The following SLC44A5 variants were observed in gnomAD, a reference collection of about 807,000 sequenced individuals.
SLC44A5 encodes choline transporter-like protein 5.
In SLC44A5, 57 loss-of-function variants were observed where a neutral mutation model predicts 101.8. That is an observed-to-expected ratio of 0.56 (90% CI 0.45 to 0.70). The LOEUF is 0.70. Among genes scored for constraint, SLC44A5 ranks in the 30% least tolerant of loss-of-function variants. The pLI is 0.00. For synonymous variants in SLC44A5, 281 were observed against 290.9 expected, an observed-to-expected ratio of 0.97 and a Z score of 0.35; for missense variants, 737 against 853.1, an observed-to-expected ratio of 0.86 and a Z score of 1.70.
rs535743908 is a variant in SLC44A5 at position 75,542,188 on chromosome 1, AC to A, written c.-69-673del. On this transcript the variant is annotated intron_variant, in intron 1 of 23. Transcript: ENST00000370859. ...ACTTTTCATTTTGAAATAATTTCAG[AC>A]TTACAGAAAAGCTGCAGAAATATAC... is the stretch of plus-strand genomic sequence containing the variant. Among the ~76,000 whole-genome samples, 7 of 152,188 alleles carry A rather than the reference AC, an allele frequency of 4.6e-5. No homozygotes were observed. In the South Asian group the frequency reaches 1.5e-3, roughly 32 times the overall value.
intron 1 of SLC44A5, among the ~76,000 whole-genome samples, chr1:75,565,463 G>A (rs1054292336): frequency 3.3e-4 from 51 of 152,292 alleles, no homozygotes; most frequent in African/African-American, 7.5e-4. Context: ...GTATCCTCAC[G>A]TATGGTAACA....
chr1:75,243,266 A>G (rs1282627679), intron 7 of SLC44A5, among the ~76,000 whole-genome samples: 1 of 151,912 alleles, frequency 6.6e-6, no homozygotes, highest in African/African-American at 2.4e-5. Flanking sequence ...CCCTTTGAGT[A>G]GCTGAGACTA....
At chr1:75,279,141 A>G (rs1371482563) in intron 5 of SLC44A5, among the ~76,000 whole-genome samples, 3 of 151,910 alleles carry the variant, frequency 2.0e-5, no homozygotes, top group Non-Finnish European at 4.4e-5. Flanking sequence ...CAGATACTAA[A>G]ATTTATTCCT....
At chr1:75,680,893 G>A in the SLC44A5 span, among the ~76,000 whole-genome samples, 1 of 150,712 alleles carries the variant, frequency 6.6e-6, no homozygotes, top group East Asian at 1.9e-4. Context: ...AAAGAGAGAA[G>A]AATCAAATAG....
rs146984612 is a variant in SLC44A5 at position 75,375,825 on chromosome 1, G to A, written c.52+20758C>T. Among the ~76,000 whole-genome samples, 1,118 of 152,272 alleles carry A rather than the reference G, an allele frequency of 7.3e-3. 4 individuals carry two copies. The highest frequency in any genetic ancestry group is 0.01 in the Non-Finnish European group (693 of 68,026). On this transcript the variant is annotated intron_variant, in intron 3 of 23. Coordinates refer to ENST00000370859, the MANE Select transcript of SLC44A5 (RefSeq NM_001130058.2). ...TAAGAAAATTCATTACCACTGAATC[G>A]TGGAGGAGCCAAGATGGCCGAATAG...
Position 75,258,424 on chromosome 1 carries a change from G to T in SLC44A5, c.261-7130C>A, listed in dbSNP as rs886549754. Among the ~76,000 whole-genome samples, 4 of 152,290 alleles carry T rather than the reference G, an allele frequency of 2.6e-5. No individual in the cohort carries two copies. In the East Asian group the frequency reaches 7.7e-4, roughly 29 times the overall value. On this transcript the variant is annotated intron_variant, in intron 6 of 23. Transcript: ENST00000370859. ...AAAGTCGTTGGGAAGTTGGAACTGG[G>T]TGGAGCTCACCACAGCTCAGCAAGG...
the SLC44A5 span, among the ~76,000 whole-genome samples, chr1:75,634,145 G>A: frequency 3.9e-5 from 6 of 152,220 alleles, no homozygotes; most frequent in Admixed American, 3.3e-4. Flanking sequence ...GAGTATTTTT[G>A]CATCAATGTT....
At chr1:75,532,601 T>A (rs975407208) in intron 2 of SLC44A5, among the ~76,000 whole-genome samples, 1 of 152,228 alleles carries the variant, frequency 6.6e-6, no homozygotes, top group Non-Finnish European at 1.5e-5. Flanking sequence ...TCTAACATAC[T>A]ACATATTTAA....
chr1:75,224,988 A>G (rs183992958), intron 13 of SLC44A5, among the ~76,000 whole-genome samples: 2 of 152,266 alleles, frequency 1.3e-5, no homozygotes, highest in Non-Finnish European at 2.9e-5. Flanking sequence ...TTTTTAATAA[A>G]TTTATTGTAG....
At chr1:75,409,116 A>G (rs1381811146) in intron 2 of SLC44A5, among the ~76,000 whole-genome samples, 2 of 152,178 alleles carry the variant, frequency 1.3e-5, no homozygotes, top group African/African-American at 4.8e-5. Flanking sequence ...TCGCTTATAA[A>G]TGGACGCTTA....
chr1:75,255,924 G>C (rs1649982999), intron 6 of SLC44A5, among the ~76,000 whole-genome samples: 1 of 151,906 alleles, frequency 6.6e-6, no homozygotes. Context: ...AATATAAAAA[G>C]AGAAAAGAAA....
intron 1 of SLC44A5, among the ~76,000 whole-genome samples, chr1:75,607,383 A>T (rs1675382251): frequency 6.6e-6 from 1 of 152,070 alleles, no homozygotes. Context: ...ACCCTGATAG[A>T]TGCCACTATC....
At chr1:75,285,727 C>T (rs1435413982) in intron 5 of SLC44A5, among the ~76,000 whole-genome samples, 1 of 151,644 alleles carries the variant, frequency 6.6e-6, no homozygotes, top group South Asian at 2.1e-4. Context: ...TATTGTTGAC[C>T]CAATAATAAT....
intron 4 of SLC44A5, among the ~76,000 whole-genome samples, chr1:75,306,536 T>C (rs1245426431): frequency 6.6e-6 from 1 of 151,690 alleles, no homozygotes; most frequent in African/African-American, 2.4e-5. Context: ...TCCAGTAAAA[T>C]AAATCACTAA....
At chr1:75,667,451 A>G in the SLC44A5 span, among the ~76,000 whole-genome samples, 1 of 152,196 alleles carries the variant, frequency 6.6e-6, no homozygotes, top group Non-Finnish European at 1.5e-5. Context: ...ATAGAAAAAT[A>G]TTGCATTCTC....
intron 4 of SLC44A5, among the ~76,000 whole-genome samples, chr1:75,317,854 T>C (rs974024457): frequency 1.3e-5 from 2 of 152,068 alleles, no homozygotes; most frequent in Non-Finnish European, 2.9e-5. Flanking sequence ...CTTATGGCCT[T>C]CTCTAAACCT....
the SLC44A5 span, among the ~76,000 whole-genome samples, chr1:75,713,052 C>A: frequency 6.6e-6 from 1 of 152,108 alleles, no homozygotes; most frequent in African/African-American, 2.4e-5. Context: ...TCCGCCTAAC[C>A]ACTACCCTCT....
chr1:75,553,889 G>C (rs946056719), intron 1 of SLC44A5, among the ~76,000 whole-genome samples: 6 of 151,010 alleles, frequency 4.0e-5, no homozygotes, highest in African/African-American at 1.5e-4. Flanking sequence ...GGAGCAGGAG[G>C]AGGAGGAGGA....
At chr1:75,562,072 A>G (rs1672549621) in intron 1 of SLC44A5, among the ~76,000 whole-genome samples, 1 of 152,180 alleles carries the variant, frequency 6.6e-6, no homozygotes, top group African/African-American at 2.4e-5. Context: ...CTTATGTAAC[A>G]AACTTTCACA....
Sources: gnomAD v4.1 joint callset for allele counts (sites outside exome capture counted in the v4.1 genomes callset) on GRCh38, gnomAD v4.1.1 for gene constraint, MANE v1.5 for transcripts, NCBI Gene and HGNC (gene_info 2026-07-23, HGNC 2026-07-21) for gene names.